CFTR: variants seen among roughly 807,000 people sequenced by gnomAD.
CFTR encodes CF transmembrane conductance regulator, also known as cystic fibrosis transmembrane conductance regulator.
A neutral mutation model predicts 171.6 loss-of-function variants in CFTR; 181 were observed. That is an observed-to-expected ratio of 1.05 (90% CI 0.93 to 1.19). The LOEUF is 1.19. Among genes scored for constraint, CFTR ranks in the 50% most tolerant of loss-of-function variants. The probability of loss-of-function intolerance (pLI) is 0.00; values close to 1 mark genes in which losing one functional copy is unlikely to be tolerated. For synonymous variants in CFTR, 583 were observed against 608.0 expected (o/e 0.96, Z 0.60); for missense variants, 1,968 against 1,734.7 (o/e 1.13, Z -2.39).
Position 117,480,099 on chromosome 7 carries a change from A to C in CFTR, c.5A>C (p.Gln2Pro), listed in dbSNP as rs1797976959. 2 of 1,613,938 alleles carry C rather than the reference A, an allele frequency of 1.2e-6. No homozygotes were observed. The highest frequency in any genetic ancestry group is 1.7e-4 in the Middle Eastern group (1 of 6,058). Residue 2 changes from glutamine to proline, a missense_variant, in exon 1 of 27, where the codon CAG becomes CCG. By Grantham distance (76) the Gln-to-Pro change is moderately conservative. Transcript: ENST00000003084. ...GACCCCAGCGCCCGAGAGACCATGC[A>C]GAGGTCGCCTCTGGAAAAGGCCAGC... M[Q>P]RSPLEKASVV...
intron 22 of CFTR, 62 bp downstream of exon 22, chr7:117,627,832 G>A: frequency 1.3e-6 from 2 of 1,516,674 alleles, no homozygotes; most frequent in Non-Finnish European, 1.8e-6. Context: ...CCAGTAGCCT[G>A]AAGCAATGTG....
At chr7:117,602,344 A>G (rs1446497753) in intron 15 of CFTR, among the ~76,000 whole-genome samples, 3 of 152,244 alleles carry the variant, frequency 2.0e-5, no homozygotes, top group African/African-American at 7.2e-5. Context: ...CCTGAAACTC[A>G]TAATTCATTT....
intron 10 of CFTR, among the ~76,000 whole-genome samples, chr7:117,555,902 G>A (rs768941662): frequency 6.6e-6 from 1 of 152,136 alleles, no homozygotes; most frequent in Non-Finnish European, 1.5e-5. Flanking sequence ...TTAAGTTTTT[G>A]TGGAGTCAAA....
intron 22 of CFTR, among the ~76,000 whole-genome samples, chr7:117,634,284 T>G (rs1198796248): frequency 6.6e-6 from 1 of 152,130 alleles, no homozygotes; most frequent in East Asian, 1.9e-4. Context: ...ATTCATAGTA[T>G]TCTTTTATTA....
intron 1 of CFTR, among the ~76,000 whole-genome samples, chr7:117,500,278 C>CTTTTTT (rs745627454): frequency 8.9e-4 from 68 of 76,454 alleles, no homozygotes; most frequent in East Asian, 2.9e-3. Flanking sequence ...TTCTTCCTTT[C>CTTTTTT]TTTTTTTTTT....
intron 12 of CFTR, among the ~76,000 whole-genome samples, chr7:117,589,208 G>A (rs1348323652): frequency 6.6e-6 from 1 of 151,932 alleles, no homozygotes; most frequent in African/African-American, 2.4e-5. Flanking sequence ...TAGATGTGAG[G>A]GAGAGAATTA....
chr7:117,668,352 A>G lies in CFTR; in HGVS notation c.*1244A>G, dbSNP rs906363405. 6.6e-6 allele frequency: 1 copy of G among 152,184 alleles called. No individual in the cohort carries two copies. Among genetic ancestry groups the G allele is most frequent in the South Asian group, 2.1e-4 (1 of 4,824 alleles). The allele number at this position is 152,184 out of a possible 1,614,324, so 9.4% of individuals were successfully genotyped here. The stretch of plus-strand genomic sequence containing the variant: ...TGAAATATTGACTTTTTATGGCACT[A>G]GTATTTCTATGAAATATTATGTTAA... On this transcript the variant is annotated 3_prime_UTR_variant, in exon 27 of 27. Transcript: ENST00000003084.
chr7:117,612,023 GTATATATATATATATATATA>G (rs772661286), intron 20 of CFTR, among the ~76,000 whole-genome samples: 1 of 53,242 alleles, frequency 1.9e-5, no homozygotes, highest in Non-Finnish European at 3.2e-5. Flanking sequence ...ATATATATAT[GTATATATATATATATATATA>G]TATATATATA....
chr7:117,607,689 CA>C (rs1015437573), intron 18 of CFTR, among the ~76,000 whole-genome samples: 10 of 152,136 alleles, frequency 6.6e-5, no homozygotes, highest in African/African-American at 2.4e-4. Context: ...ACATATAAAA[CA>C]AAAGAAGGAT....
In CFTR at chr7:117,598,321, C is replaced by T. The variant is rs189269546; in HGVS notation, c.2619+3263C>T. ...CTAATATAAAACCTAAATCTAAACT[C>T]AAGTCCCATGCTACCTTCAGAGAAT... is the stretch of plus-strand genomic sequence containing the variant. On this transcript the variant is annotated intron_variant, in intron 15 of 26. Coordinates refer to ENST00000003084, the MANE Select transcript of CFTR (RefSeq NM_000492.4). Among the ~76,000 whole-genome samples, 4 of 152,278 alleles carry T rather than the reference C, an allele frequency of 2.6e-5. No individual in the cohort carries two copies. The East Asian group carries it at 7.7e-4, about 29-fold the overall frequency.
At chr7:117,645,932 T>C (rs952107796) in intron 23 of CFTR, among the ~76,000 whole-genome samples, 25 of 152,140 alleles carry the variant, frequency 1.6e-4, no homozygotes, top group African/African-American at 5.8e-4. Context: ...GATTTTTTCT[T>C]ACTAAGTTTT....
chr7:117,534,671 C>T (rs1230138831), intron 5 of CFTR, among the ~76,000 whole-genome samples: 1 of 152,114 alleles, frequency 6.6e-6, no homozygotes, highest in Non-Finnish European at 1.5e-5. Context: ...AGATATGATA[C>T]CTGAGCAATT....
At chr7:117,523,874 T>C (rs1262538528) in intron 3 of CFTR, among the ~76,000 whole-genome samples, 2 of 152,178 alleles carry the variant, frequency 1.3e-5, no homozygotes, top group Admixed American at 6.5e-5. Context: ...AATAAAAAAA[T>C]CTTATACAAG....
Position 117,485,883 on chromosome 7 carries a change from G to A in CFTR, c.53+5736G>A, listed in dbSNP as rs145534808. 2.2e-3 allele frequency among the ~76,000 whole-genome samples: 330 copies of A among 152,074 alleles called. 1 individual carries two copies. Among genetic ancestry groups the A allele is most frequent in the African/African-American group, 7.6e-3 (315 of 41,482 alleles). On this transcript the variant is annotated intron_variant, in intron 1 of 26. Transcript: ENST00000003084. ...ATTCAGACCATTTCAAGACTCTTCC[G>A]TGGAACAATTTAATAAAGATTTTTT... is the stretch of plus-strand genomic sequence containing the variant.
chr7:117,583,547 GC>G (rs1471078274), intron 11 of CFTR, among the ~76,000 whole-genome samples: 5 of 151,966 alleles, frequency 3.3e-5, no homozygotes, highest in Non-Finnish European at 7.4e-5. Context: ...GTGTATATAT[GC>G]CACATTTTCT....
chr7:117,587,134 G>A (rs1416798782), intron 11 of CFTR, among the ~76,000 whole-genome samples: 1 of 152,122 alleles, frequency 6.6e-6, no homozygotes, highest in Non-Finnish European at 1.5e-5. Flanking sequence ...ATGACAGGAG[G>A]GGCAGAATGA....
chr7:117,561,312 T>C (rs1799460397), intron 11 of CFTR, among the ~76,000 whole-genome samples: 1 of 152,134 alleles, frequency 6.6e-6, no homozygotes, highest in Non-Finnish European at 1.5e-5. Flanking sequence ...AGAACATCTT[T>C]TTTTTTTCTG....
intron 19 of CFTR, among the ~76,000 whole-genome samples, chr7:117,610,992 A>G (rs921456050): frequency 2.6e-5 from 4 of 152,158 alleles, no homozygotes; most frequent in Non-Finnish European, 5.9e-5. Context: ...TGCTATTACT[A>G]AAGGTTTCTC....
chr7:117,506,388 A>G (rs1445039332), intron 2 of CFTR, among the ~76,000 whole-genome samples: 1 of 152,080 alleles, frequency 6.6e-6, no homozygotes, highest in African/African-American at 2.4e-5. Context: ...CTGGGTTTAC[A>G]GGCACTCGCC....
Sources: gnomAD v4.1 joint callset for allele counts (sites outside exome capture counted in the v4.1 genomes callset) on GRCh38, gnomAD v4.1.1 for gene constraint, MANE v1.5 for transcripts, NCBI Gene and HGNC (gene_info 2026-07-23, HGNC 2026-07-21) for gene names.